AOAH: variants seen among roughly 807,000 people sequenced by gnomAD.
AOAH encodes acyloxyacyl hydrolase (neutrophil).
AOAH carries 64 observed loss-of-function variants against 92.2 expected under a neutral mutation model. The observed-to-expected ratio is 0.69, with a 90% CI of 0.57 to 0.86. The LOEUF (loss-of-function observed/expected upper bound fraction) is 0.86, where lower values mean the gene tolerates loss of function less well. Among genes scored for constraint, AOAH ranks in the 40% least tolerant of loss-of-function variants. AOAH has a pLI of 0.00. For missense variants in AOAH, 656 were observed against 694.6 expected (o/e 0.94, Z 0.62); for synonymous variants, 263 against 254.5 (o/e 1.03, Z -0.32).
intron 1 of AOAH, among the ~76,000 whole-genome samples, chr7:36,697,600 A>C (rs1329770586): frequency 1.3e-5 from 2 of 152,172 alleles, no homozygotes; most frequent in East Asian, 3.9e-4. Flanking sequence ...TTGGATTGGC[A>C]TTATTTCTAC....
intron 1 of AOAH, among the ~76,000 whole-genome samples, chr7:36,688,936 T>C (rs370275164): frequency 2.6e-5 from 4 of 152,154 alleles, no homozygotes; most frequent in East Asian, 3.8e-4. Context: ...TAGATGTATA[T>C]ATACATACAC....
intron 19 of AOAH, among the ~76,000 whole-genome samples, chr7:36,524,127 C>T (rs1029307820): frequency 6.6e-6 from 1 of 152,032 alleles, no homozygotes; most frequent in Non-Finnish European, 1.5e-5. Flanking sequence ...ACGTTTTGTC[C>T]CTTTTCCCAC....
Position 36,618,327 on chromosome 7 carries a change from CAT to C in AOAH, c.719_720del (p.Asp240GlyfsTer5). On this transcript the variant is annotated frameshift_variant, in exon 10 of 21. Coordinates refer to ENST00000617537, the MANE Select transcript of AOAH (RefSeq NM_001637.4). LOFTEE classifies it high-confidence loss of function. Reference sequence around the variant, plus strand: ...CAGAATTTCTTCTCATATGGAACTCCATCTTTTGGATCGACACCCTTTAAAAA... The same window carrying C: ...CAGAATTTCTTCTCATATGGAACTCCCTTTTGGATCGACACCCTTTAAAAA... The part of the protein sequence containing the change: ...CNGIWGVDPK[D>X]GVPYEKKFCE... The C allele has an allele frequency of 6.2e-7, 1 of 1,614,016 alleles. No homozygotes were observed. Among genetic ancestry groups the C allele is most frequent in the Non-Finnish European group, 8.5e-7 (1 of 1,179,940 alleles).
chr7:36,566,258 TG>T (rs1319000971), intron 13 of AOAH, among the ~76,000 whole-genome samples: 1 of 151,952 alleles, frequency 6.6e-6, no homozygotes, highest in Admixed American at 6.6e-5. Context: ...GAGATCATGG[TG>T]GGGTGGGGAC....
intron 12 of AOAH, among the ~76,000 whole-genome samples, chr7:36,584,035 AAC>A (rs1036592236): frequency 1.3e-5 from 2 of 152,208 alleles, no homozygotes; most frequent in Non-Finnish European, 2.9e-5. Flanking sequence ...TTTCTCATAA[AAC>A]ACACACACAA....
chr7:36,598,698 A>AT (rs1380308834), intron 11 of AOAH, among the ~76,000 whole-genome samples: 2 of 152,092 alleles, frequency 1.3e-5, no homozygotes, highest in Non-Finnish European at 2.9e-5. Context: ...GCCTTGGCAT[A>AT]TTTTTTTTCC....
At chr7:36,643,936 G>A (rs556809239) in intron 4 of AOAH, among the ~76,000 whole-genome samples, 4 of 152,184 alleles carry the variant, frequency 2.6e-5, no homozygotes, top group South Asian at 4.1e-4. Flanking sequence ...TCCTGGTACC[G>A]GCCTGCAGAA....
chr7:36,608,516 C>T (rs906559107), intron 11 of AOAH, among the ~76,000 whole-genome samples: 4 of 152,204 alleles, frequency 2.6e-5, no homozygotes, highest in Admixed American at 2.0e-4. Flanking sequence ...CAATTTTTAA[C>T]ATTTATAAAA....
chr7:36,684,680 A>T (rs1233788698), intron 2 of AOAH, among the ~76,000 whole-genome samples: 1 of 152,012 alleles, frequency 6.6e-6, no homozygotes, highest in Admixed American at 6.6e-5. Flanking sequence ...GCGCTTTGGG[A>T]GGCCAAGATG....
intron 8 of AOAH, among the ~76,000 whole-genome samples, chr7:36,621,058 C>T (rs545881569): frequency 2.0e-5 from 3 of 152,286 alleles, no homozygotes; most frequent in South Asian, 2.1e-4. Context: ...CCGGAAGCTC[C>T]GGACCAAATC....
chr7:36,606,118 T>A (rs1209608758), intron 11 of AOAH, among the ~76,000 whole-genome samples: 1 of 152,210 alleles, frequency 6.6e-6, no homozygotes, highest in East Asian at 1.9e-4. Flanking sequence ...TGAAGGTAAC[T>A]CAGATAGAAT....
chr7:36,675,131 T>C (rs900875566), intron 2 of AOAH, among the ~76,000 whole-genome samples: 1 of 152,084 alleles, frequency 6.6e-6, no homozygotes, highest in South Asian at 2.1e-4. Flanking sequence ...TGGCAGGTGC[T>C]TGTAATCCCA....
At chr7:36,714,039 C>T (rs569946895) in intron 1 of AOAH, among the ~76,000 whole-genome samples, 1 of 152,176 alleles carries the variant, frequency 6.6e-6, no homozygotes, top group South Asian at 2.1e-4. Context: ...AATCCTGGAG[C>T]TGGTTTTTTG....
At chr7:36,548,452 C>G (rs1427694143) in intron 15 of AOAH, among the ~76,000 whole-genome samples, 160 bp downstream of exon 15, 2 of 152,132 alleles carry the variant, frequency 1.3e-5, no homozygotes, top group Non-Finnish European at 2.9e-5. Flanking sequence ...TCCCAAAGTG[C>G]TGGGATTATA....
intron 19 of AOAH, among the ~76,000 whole-genome samples, chr7:36,529,595 G>A (rs1176226100): frequency 1.3e-5 from 2 of 152,084 alleles, no homozygotes; most frequent in African/African-American, 4.8e-5. Flanking sequence ...CACTGGGGGT[G>A]GGGGACAGAG....
chr7:36,689,320 G>T (rs1797244992), intron 1 of AOAH, among the ~76,000 whole-genome samples: 2 of 152,180 alleles, frequency 1.3e-5, no homozygotes. Flanking sequence ...GTCTGTTCAT[G>T]CAGCTATAAC....
chr7:36,714,678 T>C (rs780479919), intron 1 of AOAH, among the ~76,000 whole-genome samples: 1 of 152,068 alleles, frequency 6.6e-6, no homozygotes, highest in East Asian at 1.9e-4. Flanking sequence ...TCAACATATG[T>C]AAATCAATAA....
chr7:36,590,760 C>T (rs1345961452), intron 12 of AOAH, among the ~76,000 whole-genome samples: 3 of 152,190 alleles, frequency 2.0e-5, no homozygotes, highest in Non-Finnish European at 4.4e-5. Context: ...GGGCATGTGC[C>T]CAAAATGCCC....
chr7:36,616,073 T>A (rs1216033761), intron 11 of AOAH, among the ~76,000 whole-genome samples: 1 of 152,200 alleles, frequency 6.6e-6, no homozygotes, highest in East Asian at 1.9e-4. Context: ...GAGTGCCTCA[T>A]CCTGACCTCC....
Sources: allele counts gnomAD v4.1 joint callset (sites outside exome capture counted in the v4.1 genomes callset), GRCh38; gene constraint gnomAD v4.1.1; transcripts MANE v1.5; gene names NCBI Gene and HGNC (gene_info 2026-07-23, HGNC 2026-07-21).